SCHIP1: variants seen among roughly 807,000 people sequenced by gnomAD.
SCHIP1 encodes the protein schwannomin interacting protein 1.
A neutral mutation model predicts 29.7 loss-of-function variants in SCHIP1; 8 were observed. That is an observed-to-expected ratio of 0.27 (90% CI 0.16 to 0.49). SCHIP1 has a LOEUF of 0.49. SCHIP1 is among the 20% of genes least tolerant of loss of function. The probability of loss-of-function intolerance (pLI) is 0.99; values close to 1 mark genes in which losing one functional copy is unlikely to be tolerated. For missense variants in SCHIP1, 193 were observed against 294.6 expected, an observed-to-expected ratio of 0.66 and a Z score of 2.52; for synonymous variants, 76 against 94.9, an observed-to-expected ratio of 0.80 and a Z score of 1.16.
At chr3:159,711,555 G>A in the SCHIP1 span, among the ~76,000 whole-genome samples, 1 of 152,132 alleles carries the variant, frequency 6.6e-6, no homozygotes, top group African/African-American at 2.4e-5. Context: ...AATAGCATTT[G>A]ACAAATGGTC....
chr3:159,482,487 C>G, the SCHIP1 span, among the ~76,000 whole-genome samples: 1 of 152,118 alleles, frequency 6.6e-6, no homozygotes, highest in African/African-American at 2.4e-5. Context: ...GAATGTGGTT[C>G]ACAAATGTAA....
chr3:159,748,517 C>A, the SCHIP1 span, among the ~76,000 whole-genome samples: 1 of 152,194 alleles, frequency 6.6e-6, no homozygotes, highest in Non-Finnish European at 1.5e-5. Context: ...CCAGATATTG[C>A]CCTTTGGCCC....
At chr3:159,813,826 G>A in the SCHIP1 span, among the ~76,000 whole-genome samples, 1 of 152,110 alleles carries the variant, frequency 6.6e-6, no homozygotes, top group African/African-American at 2.4e-5. Flanking sequence ...CTTTTGGAAA[G>A]CTTTATAGGT....
At chr3:159,834,943 G>T (rs945685818), upstream of SCHIP1, among the ~76,000 whole-genome samples, 3 of 152,162 alleles carry the variant, frequency 2.0e-5, no homozygotes, top group Non-Finnish European at 4.4e-5. Flanking sequence ...TTGTGGATAA[G>T]GTTTACTCAA....
chr3:159,328,097 T>C, the SCHIP1 span, among the ~76,000 whole-genome samples: 1 of 152,220 alleles, frequency 6.6e-6, no homozygotes. Context: ...ATAGTAGTCA[T>C]TAGCCACATG....
the SCHIP1 span, among the ~76,000 whole-genome samples, chr3:159,700,160 C>T: frequency 3.3e-4 from 51 of 152,302 alleles, no homozygotes; most frequent in East Asian, 6.4e-3. Flanking sequence ...AGTCTTCTTG[C>T]TTAAAAGATT....
chr3:159,427,272 A>C, the SCHIP1 span, among the ~76,000 whole-genome samples: 1 of 151,740 alleles, frequency 6.6e-6, no homozygotes, highest in African/African-American at 2.4e-5. Flanking sequence ...CCCTCTTTGC[A>C]GACGACATGA....
the SCHIP1 span, among the ~76,000 whole-genome samples, chr3:159,761,092 G>A: frequency 6.6e-6 from 1 of 152,238 alleles, no homozygotes; most frequent in Admixed American, 6.5e-5. Context: ...TGGAGGAGGA[G>A]AAACAGTTCC....
the SCHIP1 span, among the ~76,000 whole-genome samples, chr3:159,351,301 G>A: frequency 6.6e-6 from 1 of 152,182 alleles, no homozygotes; most frequent in Non-Finnish European, 1.5e-5. Context: ...AGATGAGGAA[G>A]TCGGTGTTCA....
At chr3:159,336,308 G>A in the SCHIP1 span, among the ~76,000 whole-genome samples, 3 of 152,192 alleles carry the variant, frequency 2.0e-5, no homozygotes, top group East Asian at 3.9e-4. Context: ...TGTTCACTCC[G>A]ATGGTAGTTT....
At chr3:159,607,106 C>T in the SCHIP1 span, among the ~76,000 whole-genome samples, 53 of 152,288 alleles carry the variant, frequency 3.5e-4, no homozygotes, top group East Asian at 6.6e-3. Context: ...CATACGCCCA[C>T]CCTTCTTATA....
At chr3:159,491,599 G>A in the SCHIP1 span, among the ~76,000 whole-genome samples, 1 of 152,250 alleles carries the variant, frequency 6.6e-6, no homozygotes, top group African/African-American at 2.4e-5. Flanking sequence ...GTTAAACAAA[G>A]TGGCCTGGAA....
chr3:159,895,424 C>T lies in SCHIP1; in HGVS notation c.684-1299C>T, dbSNP rs528655018. On this transcript the variant is annotated intron_variant, in intron 6 of 6. Transcript: ENST00000445224. ...GCAGCACACACAAACTATTCCTAAA[C>T]GTTTGATTATAGCTGGAAACCACAG... is the stretch of plus-strand genomic sequence containing the variant. Among the ~76,000 whole-genome samples the T allele has an allele frequency of 5.0e-4, 76 of 152,302 alleles. 1 individual carries two copies. The highest frequency in any genetic ancestry group is 1.7e-3 in the African/African-American group (72 of 41,566).
At chr3:159,567,839 T>C in the SCHIP1 span, among the ~76,000 whole-genome samples, 2 of 152,144 alleles carry the variant, frequency 1.3e-5, no homozygotes, top group Admixed American at 6.5e-5. Flanking sequence ...TGTTTTCAAG[T>C]ACTATAGGAA....
At chr3:159,498,535 G>A in the SCHIP1 span, among the ~76,000 whole-genome samples, 1 of 152,214 alleles carries the variant, frequency 6.6e-6, no homozygotes, top group African/African-American at 2.4e-5. Context: ...AGTGGAGGAA[G>A]TCTGCCTTAA....
At chr3:159,392,203 A>G in the SCHIP1 span, among the ~76,000 whole-genome samples, 1 of 152,162 alleles carries the variant, frequency 6.6e-6, no homozygotes, top group Non-Finnish European at 1.5e-5. Context: ...TGAGCTTTCC[A>G]CAAAGCAGTG....
At chr3:159,629,842 A>G in the SCHIP1 span, among the ~76,000 whole-genome samples, 2 of 152,234 alleles carry the variant, frequency 1.3e-5, no homozygotes, top group Non-Finnish European at 2.9e-5. Context: ...CTGAGAATAC[A>G]AAGACCAATA....
intron 2 of SCHIP1, among the ~76,000 whole-genome samples, chr3:159,881,975 C>T (rs1411482264): frequency 2.0e-5 from 3 of 152,168 alleles, no homozygotes; most frequent in Admixed American, 6.5e-5. Context: ...CTAGCCTGGA[C>T]CTGTTCTGAG....
the SCHIP1 span, among the ~76,000 whole-genome samples, chr3:159,554,010 GTGTGTGTGTTTGTGTA>G: frequency 5.3e-5 from 6 of 113,034 alleles, no homozygotes; most frequent in South Asian, 5.3e-4. Flanking sequence ...GTGTGTGTGT[GTGTGTGTGTTTGTGTA>G]TGTGTGTGTG....
Sources: gnomAD v4.1 joint callset for allele counts (sites outside exome capture counted in the v4.1 genomes callset) on GRCh38, gnomAD v4.1.1 for gene constraint, MANE v1.5 for transcripts, NCBI Gene and HGNC (gene_info 2026-07-23, HGNC 2026-07-21) for gene names.